VEGFD: variants seen among roughly 807,000 people sequenced by gnomAD.
VEGFD encodes the protein c-fos induced growth factor (vascular endothelial growth factor D).
In VEGFD, 26 loss-of-function variants were observed where a neutral mutation model predicts 28.0. The observed-to-expected ratio is 0.93, with a 90% CI of 0.68 to 1.29. The LOEUF (loss-of-function observed/expected upper bound fraction) is 1.29, where lower values mean the gene tolerates loss of function less well. Among genes scored for constraint, VEGFD ranks in the 50% most tolerant of loss-of-function variants. VEGFD has a pLI of 0.00. For missense variants in VEGFD, 294 were observed against 273.4 expected (o/e 1.08, Z -0.53); for synonymous variants, 93 against 95.5 (o/e 0.97, Z 0.15).
At chrX:15,365,984 A>G (rs779241139) in intron 1 of VEGFD, among the ~76,000 whole-genome samples, 8 of 107,248 alleles carry the variant, frequency 7.5e-5, no homozygotes, top group African/African-American at 2.8e-4. Context: ...ACATTTCTGT[A>G]TATTCTTCCT....
chrX:15,347,904 A>G (rs989821913), intron 5 of VEGFD, among the ~76,000 whole-genome samples: 2 of 112,321 alleles, frequency 1.8e-5, no homozygotes, highest in African/African-American at 6.5e-5. Flanking sequence ...TGGAAGATAC[A>G]TTCAAGTAAA....
In VEGFD at chrX:15,346,196, C is replaced by T. The variant is rs1922543271; in HGVS notation, c.1002G>A (p.Lys334=). 8.3e-7 allele frequency: 1 copy of T among 1,209,752 alleles called. No homozygotes were observed. Among genetic ancestry groups the T allele is most frequent in the African/African-American group, 1.7e-5 (1 of 57,333 alleles). ...TTTTCTCCTTTGGAAAGCGGCAATG[C>T]TTTGCACATGCTGTTTTGCCACTTG... The part of the protein sequence containing the change: ...PCASGKTACA[K]HCRFPKEKRA... Residue 334 remains lysine, a synonymous_variant, in exon 7 of 7, where the codon AAG becomes AAA. Coordinates refer to ENST00000297904, the MANE Select transcript of VEGFD (RefSeq NM_004469.5).
chrX:15,372,252 T>C (rs1325006034), intron 1 of VEGFD, among the ~76,000 whole-genome samples: 3 of 111,725 alleles, frequency 2.7e-5, no homozygotes, highest in Non-Finnish European at 5.6e-5. Flanking sequence ...TCTAAAAAAA[T>C]GAGAATTGAA....
chrX:15,383,209 G>C (rs1245189038), intron 1 of VEGFD, among the ~76,000 whole-genome samples: 1 of 112,004 alleles, frequency 8.9e-6, no homozygotes, highest in Non-Finnish European at 1.9e-5. Flanking sequence ...ATTGGGCTAA[G>C]TATTGTTCCA....
intron 1 of VEGFD, among the ~76,000 whole-genome samples, chrX:15,377,695 G>A (rs1162603921): frequency 1.8e-5 from 2 of 111,713 alleles, no homozygotes; most frequent in Admixed American, 1.9e-4. Context: ...GCTAGATGGG[G>A]CAGTGGGTCA....
At chrX:15,359,959 A>C (rs1033709720) in intron 2 of VEGFD, among the ~76,000 whole-genome samples, 3 of 112,535 alleles carry the variant, frequency 2.7e-5, no homozygotes, top group Admixed American at 1.9e-4. Flanking sequence ...TGTTTTAAGT[A>C]GCTAAGTTTT....
At chrX:15,368,984 A>G (rs2147746829) in intron 1 of VEGFD, among the ~76,000 whole-genome samples, 1 of 112,231 alleles carries the variant, frequency 8.9e-6, no homozygotes, top group South Asian at 3.7e-4. Flanking sequence ...CTTCACCATC[A>G]TTTGAATGTA....
chrX:15,364,944 G>A (rs1327525642), intron 1 of VEGFD, among the ~76,000 whole-genome samples: 1 of 111,907 alleles, frequency 8.9e-6, no homozygotes, highest in Non-Finnish European at 1.9e-5. Context: ...TGGACACTGA[G>A]AGTTGTCCAA....
At chrX:15,381,625 C>A (rs2146991336) in intron 1 of VEGFD, among the ~76,000 whole-genome samples, 1 of 110,900 alleles carries the variant, frequency 9.0e-6, no homozygotes, top group East Asian at 2.8e-4. Context: ...ACAAGAAGAA[C>A]TTTAACATTT....
intron 1 of VEGFD, among the ~76,000 whole-genome samples, chrX:15,371,963 C>T (rs1923320743): frequency 8.9e-6 from 1 of 111,887 alleles, no homozygotes; most frequent in South Asian, 3.7e-4. Flanking sequence ...CCCTAACACA[C>T]GGGATGAACA....
At chrX:15,355,828 AG>A (rs1473716021) in intron 3 of VEGFD, among the ~76,000 whole-genome samples, 1 of 111,974 alleles carries the variant, frequency 8.9e-6, no homozygotes, top group Non-Finnish European at 1.9e-5. Flanking sequence ...ATAATCCGGC[AG>A]GCTTGCTGGT....
intron 1 of VEGFD, among the ~76,000 whole-genome samples, chrX:15,377,440 G>T (rs1211984935): frequency 8.9e-6 from 1 of 111,931 alleles, no homozygotes; most frequent in Non-Finnish European, 1.9e-5. Context: ...AGAAATCAGT[G>T]AATTTTTTTT....
chrX:15,372,619 C>T lies in VEGFD; in HGVS notation c.91-9300G>A, dbSNP rs1024121921. ...AAAAAAAAACTTCCCAGGTGTTAGCCTTAGAGGAAGATAGGTGAGGGCTAT... is the reference window on the plus strand; with the variant it reads ...AAAAAAAAACTTCCCAGGTGTTAGCTTTAGAGGAAGATAGGTGAGGGCTAT... On this transcript the variant is annotated intron_variant, in intron 1 of 6. Transcript: ENST00000297904. 2.7e-4 allele frequency among the ~76,000 whole-genome samples: 30 copies of T among 110,782 alleles called. 1 individual carries two copies. The highest frequency in any genetic ancestry group is 1.1e-3 in the Admixed American group (11 of 10,318).
chrX:15,368,151 A>C (rs1373020239), intron 1 of VEGFD, among the ~76,000 whole-genome samples: 1 of 110,243 alleles, frequency 9.1e-6, no homozygotes, highest in African/African-American at 3.3e-5. Flanking sequence ...AAGGAGAGAA[A>C]GAGAAAGAAA....
intron 1 of VEGFD, among the ~76,000 whole-genome samples, chrX:15,367,924 T>A (rs1318413776): frequency 1.0e-5 from 1 of 97,025 alleles, no homozygotes; most frequent in Non-Finnish European, 2.0e-5. Flanking sequence ...CCACTTGCAC[T>A]CCAGCCTGGG....
At chrX:15,382,233 T>A (rs764746869) in intron 1 of VEGFD, among the ~76,000 whole-genome samples, 67 of 110,303 alleles carry the variant, frequency 6.1e-4, no homozygotes, top group African/African-American at 2.1e-3. Context: ...GGCAGGGGAA[T>A]CACTTGAACC....
At chrX:15,375,219 C>T (rs1923407979) in intron 1 of VEGFD, among the ~76,000 whole-genome samples, 1 of 112,260 alleles carries the variant, frequency 8.9e-6, no homozygotes, top group South Asian at 3.7e-4. Flanking sequence ...TTGCCTCCAT[C>T]TCCTTTTTAA....
At chrX:15,357,858 A>G (rs1922904792) in intron 3 of VEGFD, 145 bp downstream of exon 3, 1 of 516,023 alleles carries the variant, frequency 1.9e-6, no homozygotes, top group Admixed American at 4.1e-5. Context: ...AGGAGCATAA[A>G]ATACCCTCTT....
chrX:15,367,687 G>A (rs1045806685), intron 1 of VEGFD, among the ~76,000 whole-genome samples: 1 of 110,796 alleles, frequency 9.0e-6, no homozygotes, highest in Non-Finnish European at 1.9e-5. Context: ...CAGGCATGGT[G>A]GCTTACACTT....
Sources: allele counts gnomAD v4.1 joint callset (sites outside exome capture counted in the v4.1 genomes callset), GRCh38; gene constraint gnomAD v4.1.1; transcripts MANE v1.5; gene names NCBI Gene and HGNC (gene_info 2026-07-23, HGNC 2026-07-21).